Variants in SH2B2 observed in about 807,000 individuals in gnomAD.
SH2B2 encodes the protein SH2B adaptor protein 2.
Under a neutral mutation model 35.7 loss-of-function variants are expected in SH2B2, and 37 were observed. That is an observed-to-expected ratio of 1.04 (90% CI 0.80 to 1.36). The LOEUF is 1.36. SH2B2 is among the 40% of genes most tolerant of loss of function. The pLI, the probability that SH2B2 is intolerant of heterozygous loss-of-function variation, is 0.00. For missense variants in SH2B2, 852 were observed against 817.7 expected, an observed-to-expected ratio of 1.04 and a Z score of -0.51; for synonymous variants, 383 against 376.4, an observed-to-expected ratio of 1.02 and a Z score of -0.20.
chr7:102,298,827 C>G (rs1033741088), intron 1 of SH2B2, among the ~76,000 whole-genome samples: 10 of 152,030 alleles, frequency 6.6e-5, no homozygotes, highest in Non-Finnish European at 1.2e-4. Flanking sequence ...CTTGGCCTCC[C>G]AAAGTGCTGG....
intron 1 of SH2B2, chr7:102,293,236 C>G (rs1554552087): frequency 8.4e-6 from 1 of 119,008 alleles, no homozygotes; most frequent in African/African-American, 3.3e-5. Context: ...CTCCAATTGT[C>G]AGCGCTATTT....
chr7:102,318,199 C>T (rs1187197547), intron 7 of SH2B2, among the ~76,000 whole-genome samples: 2 of 152,092 alleles, frequency 1.3e-5, no homozygotes, highest in African/African-American at 2.4e-5. Flanking sequence ...ATTGCAACAT[C>T]GCAATCTCAG....
intron 2 of SH2B2, 34 bp downstream of exon 2, chr7:102,301,313 G>C: frequency 3.2e-6 from 5 of 1,573,798 alleles, no homozygotes; most frequent in Non-Finnish European, 4.3e-6. Flanking sequence ...TAGCCTGGGG[G>C]GACCAGAGGA....
intron 1 of SH2B2, among the ~76,000 whole-genome samples, chr7:102,292,068 A>G (rs1472733326): frequency 2.6e-5 from 4 of 152,016 alleles, no homozygotes; most frequent in Non-Finnish European, 5.9e-5. Flanking sequence ...GAGGACCCCT[A>G]AGGGCAGTGG....
intron 1 of SH2B2, among the ~76,000 whole-genome samples, chr7:102,288,322 C>T (rs1356604786): frequency 1.3e-5 from 2 of 151,952 alleles, no homozygotes; most frequent in African/African-American, 4.8e-5. Context: ...CTGGTGGTGG[C>T]GGTGGTGGCA....
upstream of SH2B2, among the ~76,000 whole-genome samples, chr7:102,286,569 G>A (rs536700541): frequency 1.1e-4 from 17 of 152,074 alleles, no homozygotes; most frequent in East Asian, 3.3e-3. Flanking sequence ...GCCTGGCCTG[G>A]GGCCGGCTCG....
chr7:102,289,474 CAGGCAGGAGTT>C (rs1792590514), intron 1 of SH2B2, among the ~76,000 whole-genome samples: 1 of 152,064 alleles, frequency 6.6e-6, no homozygotes, highest in Admixed American at 6.5e-5. Flanking sequence ...GTGCAGAGGA[CAGGCAGGAGTT>C]GGAGGAAGAG....
intron 7 of SH2B2, among the ~76,000 whole-genome samples, chr7:102,318,328 A>G (rs969266447): frequency 6.6e-6 from 1 of 152,078 alleles, no homozygotes; most frequent in Non-Finnish European, 1.5e-5. Context: ...TAGTAGAGAC[A>G]GGGTTTCACC....
rs776432320 is a variant in SH2B2 at position 102,300,807 on chromosome 7, C to A, written c.257C>A (p.Thr86Lys). 6.7e-7 allele frequency: 1 copy of A among 1,489,120 alleles called. No homozygotes were observed. The highest frequency in any genetic ancestry group is 1.3e-5 in the South Asian group (1 of 76,476). The allele number at this position is 1,489,120 out of a possible 1,614,324, so 92.2% of individuals were successfully genotyped here. A position where few individuals can be genotyped will look rare whatever the true frequency, so the allele number is the denominator to read the frequency against. ...CGCCGCGTGCTGGTGGCTGGGCCGA[C>A]GACTCGGGGCGCGGCCGTGAGCGCA... ...EVRRVLVAGPTTRGAAVSAEA... is the reference protein window; with the variant it reads ...EVRRVLVAGPKTRGAAVSAEA... The change falls in exon 2 of 9, where the codon ACG becomes AAG. Residue 86 changes from threonine (T) to lysine (K), a missense_variant. By Grantham distance (78) the Thr-to-Lys change is moderately conservative. Coordinates refer to ENST00000444095, the MANE Select transcript of SH2B2 (RefSeq NM_001359228.2).
chr7:102,310,490 G>C (rs544931325), intron 4 of SH2B2, among the ~76,000 whole-genome samples: 3 of 152,128 alleles, frequency 2.0e-5, no homozygotes, highest in Middle Eastern at 3.4e-3. Flanking sequence ...GGGCAGTTAC[G>C]GTCAGCTGTG....
In SH2B2 at chr7:102,300,610, C is replaced by G; in HGVS notation, c.60C>G (p.Val20=). ...CCCCGGTCCCAGTCCCGGTCCCGGTCCCGGACTGGCGGCAGTTCTGCGAGC... is the reference window on the plus strand; with the variant it reads ...CCCCGGTCCCAGTCCCGGTCCCGGTGCCGGACTGGCGGCAGTTCTGCGAGC... ...AAAPVPVPVP[V]PDWRQFCELH... Residue 20 remains valine, a synonymous_variant, in exon 2 of 9, where the codon GTC becomes GTG. Transcript: ENST00000444095. 1.3e-6 allele frequency: 2 copies of G among 1,551,174 alleles called. No homozygotes were observed. The highest frequency in any genetic ancestry group is 1.7e-6 in the Non-Finnish European group (2 of 1,146,426).
Position 102,321,474 on chromosome 7 carries a change from C to T in SH2B2, c.1743C>T (p.Ala581=), listed in dbSNP as rs1161284951. Reference sequence around the variant, plus strand: ...CGTCCTCTGCCGCGTCGGGGCCCGCCCCCCCGCGCCCCGTCGAGGGCCAGC... The same window carrying T: ...CGTCCTCTGCCGCGTCGGGGCCCGCTCCCCCGCGCCCCGTCGAGGGCCAGC... ...ASSSSAASGP[A]PPRPVEGQLS... is the part of the protein sequence containing the mutation. Residue 581 remains alanine, a synonymous_variant, in exon 9 of 9, where the codon GCC becomes GCT. Coordinates refer to ENST00000444095, the MANE Select transcript of SH2B2 (RefSeq NM_001359228.2). The T allele has an allele frequency of 8.4e-7, 1 of 1,186,738 alleles. No individual in the cohort carries two copies. The highest frequency in any genetic ancestry group is 1.0e-6 in the Non-Finnish European group (1 of 957,004). The allele number at this position is 1,186,738 out of a possible 1,614,324, so 73.5% of individuals were successfully genotyped here. A position where few individuals can be genotyped will look rare whatever the true frequency, so the allele number is the denominator to read the frequency against.
chr7:102,305,154 C>T (rs1207353977), intron 2 of SH2B2, among the ~76,000 whole-genome samples: 2 of 152,230 alleles, frequency 1.3e-5, no homozygotes, highest in African/African-American at 4.8e-5. Context: ...CGTTCTGAGT[C>T]GGGGGCTCCA....
Position 102,301,726 on chromosome 7 carries a change from C to T in SH2B2, c.729+447C>T, listed in dbSNP as rs146661085. Among the ~76,000 whole-genome samples the T allele has an allele frequency of 3.8e-3, 572 of 151,984 alleles. 3 individuals are homozygous for T. Among genetic ancestry groups the T allele is most frequent in the Middle Eastern group, 0.014 (4 of 294 alleles). On this transcript the variant is annotated intron_variant, in intron 2 of 8. Coordinates refer to ENST00000444095, the MANE Select transcript of SH2B2 (RefSeq NM_001359228.2). ...AGCTGGGATTTACAGGCACCCACCA[C>T]GATGCCCGGCTAATTTTTGTATTTT...
chr7:102,301,352 G>A (rs1030844242), intron 2 of SH2B2, 73 bp downstream of exon 2: 42 of 1,498,324 alleles, frequency 2.8e-5, no homozygotes, highest in Non-Finnish European at 3.7e-5. Context: ...GAGGGTGCCA[G>A]GGACTGCCTT....
chr7:102,291,304 C>T (rs1388077522), intron 1 of SH2B2, among the ~76,000 whole-genome samples: 2 of 152,182 alleles, frequency 1.3e-5, no homozygotes, highest in Non-Finnish European at 2.9e-5. Context: ...AAAGGCTGAG[C>T]GTGGCATGAG....
intron 4 of SH2B2, among the ~76,000 whole-genome samples, chr7:102,311,369 C>A (rs4348422): frequency 3.3e-5 from 5 of 151,758 alleles, no homozygotes; most frequent in East Asian, 1.9e-4. Flanking sequence ...ATTCTCCTGC[C>A]TCAGCCTCCC....
At chr7:102,316,695 G>A (rs1554557043) in intron 6 of SH2B2, among the ~76,000 whole-genome samples, 1 of 152,016 alleles carries the variant, frequency 6.6e-6, no homozygotes, top group African/African-American at 2.4e-5. Context: ...AGACCAGCCT[G>A]GGGAACACAG....
rs185534132 is a variant in SH2B2, at chr7:102,288,253, C to A, written c.-30+1159C>A. Reference sequence around the variant, plus strand: ...TCCCTCCTGGCCTCCCCACTCCACGCAGGAAGAGGTTGGGAGAGTGACCTA... The same window carrying A: ...TCCCTCCTGGCCTCCCCACTCCACGAAGGAAGAGGTTGGGAGAGTGACCTA... On this transcript the variant is annotated intron_variant, in intron 1 of 8. Transcript: ENST00000444095. Among the ~76,000 whole-genome samples, 16 of 152,168 alleles carry A rather than the reference C, an allele frequency of 1.1e-4. No individual in the cohort carries two copies. In the East Asian group the frequency reaches 3.1e-3, roughly 30 times the overall value.
Sources: gnomAD v4.1 joint callset for allele counts (sites outside exome capture counted in the v4.1 genomes callset) on GRCh38, gnomAD v4.1.1 for gene constraint, MANE v1.5 for transcripts, NCBI Gene and HGNC (gene_info 2026-07-23, HGNC 2026-07-21) for gene names.